Variants in LMX1B observed in about 807,000 individuals in gnomAD.
LMX1B encodes LIM homeobox transcription factor 1-beta.
A neutral mutation model predicts 51.4 loss-of-function variants in LMX1B; 12 were observed. The ratio of observed to expected loss-of-function variants is 0.23; its 90% confidence interval spans 0.15 to 0.38. The LOEUF (loss-of-function observed/expected upper bound fraction) is 0.38. LMX1B is among the 10% of genes least tolerant of loss of function. The pLI is 1.00. For synonymous variants in LMX1B, 237 were observed against 235.4 expected, an observed-to-expected ratio of 1.01 and a Z score of -0.06; for missense variants, 445 against 571.1, an observed-to-expected ratio of 0.78 and a Z score of 2.25.
chr9:126,614,295 C>G lies in LMX1B; in HGVS notation c.-155C>G, dbSNP rs1158785068. The stretch of plus-strand genomic sequence containing the variant: ...GCACGACGCCGGGGCCCGGGGCCAG[C>G]GCGTCGCCGCTCCACGATCGCCGGG... On this transcript the variant is annotated 5_prime_UTR_variant, in exon 1 of 8. Transcript: ENST00000373474. The G allele has an allele frequency of 6.7e-6, 2 of 297,474 alleles. No individual in the cohort carries two copies. Among genetic ancestry groups the G allele is most frequent in the Non-Finnish European group, 9.8e-6 (2 of 204,056 alleles). 18.4% of individuals were successfully genotyped at this position (297,474 alleles called of 1,614,324 possible). A position where few individuals can be genotyped will look rare whatever the true frequency, so the allele number is the denominator to read the frequency against.
intron 2 of LMX1B, among the ~76,000 whole-genome samples, chr9:126,635,981 G>A (rs1286769883): frequency 2.6e-5 from 4 of 152,156 alleles, no homozygotes; most frequent in Non-Finnish European, 5.9e-5. Flanking sequence ...CACTGGGGAC[G>A]AGTGATGGGA....
chr9:126,636,384 A>G lies in LMX1B; in HGVS notation c.326+20815A>G, dbSNP rs180766443. On this transcript the variant is annotated intron_variant, in intron 2 of 7. Transcript: ENST00000373474. ...ATCCAGGGAAAGAGGGCAGGAGAGCAGGTTTCAGGCAAAGATCAGCATGCA... is the reference window on the plus strand; with the variant it reads ...ATCCAGGGAAAGAGGGCAGGAGAGCGGGTTTCAGGCAAAGATCAGCATGCA... Among the ~76,000 whole-genome samples, 85 of 152,188 alleles carry G rather than the reference A, an allele frequency of 5.6e-4. 1 individual carries two copies. In the East Asian group the frequency reaches 0.015, roughly 27 times the overall value.
rs1835534907 is a variant in LMX1B at position 126,626,517 on chromosome 9, G to A, written c.326+10948G>A. ...GGGAAGGGGACCGATGGAGCCAGAA[G>A]CCCTGAGCTCACCTCCCGCCCGTCC... On this transcript the variant is annotated intron_variant, in intron 2 of 7. Coordinates refer to ENST00000373474, the MANE Select transcript of LMX1B (RefSeq NM_001174147.2). The surrounding 1 kb of genome is among the most constrained non-coding windows in gnomAD (Gnocchi z 4.3). Among the ~76,000 whole-genome samples the A allele has an allele frequency of 6.6e-6, 1 of 152,168 alleles. No homozygotes were observed. Among genetic ancestry groups the A allele is most frequent in the African/African-American group, 2.4e-5 (1 of 41,454 alleles).
At chr9:126,693,676 CA>C (rs2030225236) in intron 5 of LMX1B, 69 bp from the exon 6 acceptor site, 1 of 1,598,168 alleles carries the variant, frequency 6.3e-7, no homozygotes, top group Non-Finnish European at 8.5e-7. Context: ...GACTACGGTC[CA>C]GGGGGCGTGG....
intron 2 of LMX1B, among the ~76,000 whole-genome samples, chr9:126,664,058 G>A (rs1656070622): frequency 6.6e-6 from 1 of 152,160 alleles, no homozygotes; most frequent in Non-Finnish European, 1.5e-5. Flanking sequence ...TCTGAGTCCT[G>A]TGCCAGGCTC....
rs1473170273 is a variant in LMX1B at position 126,615,607 on chromosome 9, G to A, written c.326+38G>A. 4 of 1,565,000 alleles carry A rather than the reference G, an allele frequency of 2.6e-6. No homozygotes were observed. Among genetic ancestry groups the A allele is most frequent in the East Asian group, 4.8e-5 (2 of 41,922 alleles). On this transcript the variant is annotated intron_variant, in intron 2 of 7. Transcript: ENST00000373474. The surrounding 1 kb of genome is among the most constrained non-coding windows in gnomAD (Gnocchi z 6.0). ...CGTCCTCCTTCCCCGCCACCGCCCG[G>A]CACTCGAGCCCGGTCAGCCCCCTGC...
At chr9:126,689,349 G>A (rs1430714276) in intron 2 of LMX1B, among the ~76,000 whole-genome samples, 1 of 152,206 alleles carries the variant, frequency 6.6e-6, no homozygotes, top group East Asian at 1.9e-4. Flanking sequence ...CCCATTTATG[G>A]CCATTTCTGT....
chr9:126,680,004 C>T (rs1001134519), intron 2 of LMX1B, among the ~76,000 whole-genome samples: 1 of 152,248 alleles, frequency 6.6e-6, no homozygotes, highest in Non-Finnish European at 1.5e-5. Context: ...TTACTGGGCA[C>T]CTGGCTCTGG....
At chr9:126,693,912 G>T (rs2030240455) in intron 6 of LMX1B, 100 bp downstream of exon 6, 4 of 661,806 alleles carry the variant, frequency 6.0e-6, no homozygotes. Context: ...CTGGGGCTGG[G>T]TGAGCCTGGG....
At chr9:126,690,110 CT>C (rs71377955) in intron 2 of LMX1B, among the ~76,000 whole-genome samples, 14,533 of 152,148 alleles carry the variant, frequency 0.096, 1,056 homozygotes, top group East Asian at 0.35. Context: ...TTCTTTGGGG[CT>C]GCAGCCTGGG....
chr9:126,670,698 G>C (rs2118943861), intron 2 of LMX1B, among the ~76,000 whole-genome samples: 1 of 152,306 alleles, frequency 6.6e-6, no homozygotes, highest in African/African-American at 2.4e-5. Context: ...GGGTGCTGTG[G>C]GTGGCAGTAC....
rs770328998 is a variant in LMX1B at position 126,615,341 on chromosome 9, C to T, written c.140-42C>T. 1 of 1,470,860 alleles carries T rather than the reference C, an allele frequency of 6.8e-7. No individual in the cohort carries two copies. Among genetic ancestry groups the T allele is most frequent in the Non-Finnish European group, 9.0e-7 (1 of 1,112,008 alleles). The allele number at this position is 1,470,860 out of a possible 1,614,324, so 91.1% of individuals were successfully genotyped here. On this transcript the variant is annotated intron_variant, in intron 1 of 7. Coordinates refer to ENST00000373474, the MANE Select transcript of LMX1B (RefSeq NM_001174147.2). The surrounding 1 kb of genome is among the most constrained non-coding windows in gnomAD (Gnocchi z 6.0). ...TGCGACCGGGACGCCGGGGCTGGGC[C>T]GGGCGGCGCTGACGGCCGGGCTTTC...
chr9:126,661,271 G>A (rs568941760), intron 2 of LMX1B, among the ~76,000 whole-genome samples: 2 of 150,984 alleles, frequency 1.3e-5, no homozygotes, highest in Non-Finnish European at 3.0e-5. Flanking sequence ...CAGCGTGGAC[G>A]CCCCACGCAG....
rs1428006853 is a variant in LMX1B, at chr9:126,695,623, A to T, written c.887-216A>T. Among the ~76,000 whole-genome samples the T allele has an allele frequency of 6.6e-6, 1 of 152,134 alleles. No homozygotes were observed. Among genetic ancestry groups the T allele is most frequent in the East Asian group, 1.9e-4 (1 of 5,194 alleles). On this transcript the variant is annotated intron_variant, in intron 6 of 7. Coordinates refer to ENST00000373474, the MANE Select transcript of LMX1B (RefSeq NM_001174147.2). The surrounding 1 kb of genome is among the most constrained non-coding windows in gnomAD (Gnocchi z 5.2). ...AGGGGCGGGGTGGTGGGAGGAAAGA[A>T]GATGAGGAGGGGAGGACTCTGGCTT... is the stretch of plus-strand genomic sequence containing the variant.
chr9:126,680,780 G>A (rs115321883), intron 2 of LMX1B, among the ~76,000 whole-genome samples: 115 of 152,178 alleles, frequency 7.6e-4, no homozygotes, highest in Middle Eastern at 3.4e-3. Flanking sequence ...GGGGGAAGAG[G>A]GTGAACTCAA....
At position 126,693,305 on chromosome 9, in the gene LMX1B, G is replaced by T. The variant is rs368736494; in HGVS notation, c.723G>T (p.Ser241=). Residue 241 remains serine, a synonymous_variant, in exon 4 of 8, where the codon TCG becomes TCT. Coordinates refer to ENST00000373474, the MANE Select transcript of LMX1B (RefSeq NM_001174147.2). ...CCTTCAAGGCCTCCTTCGAGGTCTC[G>T]TCGAAGCCTTGCCGAAAGGTGAGGG... ...RRAFKASFEV[S]SKPCRKVRET... 8.7e-6 allele frequency: 14 copies of T among 1,604,682 alleles called. No individual in the cohort carries two copies. Among genetic ancestry groups the T allele is most frequent in the Admixed American group, 1.7e-5 (1 of 58,952 alleles).
At chr9:126,645,832 G>A (rs1021501277) in intron 2 of LMX1B, among the ~76,000 whole-genome samples, 3 of 152,148 alleles carry the variant, frequency 2.0e-5, no homozygotes, top group Non-Finnish European at 4.4e-5. Context: ...GGGATTTCCA[G>A]CAAGAGAGCT....
rs1430352650 is a variant in LMX1B at position 126,693,806 on chromosome 9, G to T, written c.880G>T (p.Gly294Cys). The T allele has an allele frequency of 2.2e-6, 3 of 1,358,898 alleles. No individual in the cohort carries two copies. The South Asian group carries it at 3.7e-5, about 17-fold the overall frequency. 84.2% of individuals were successfully genotyped at this position (1,358,898 alleles called of 1,614,324 possible). A position where few individuals can be genotyped will look rare whatever the true frequency, so the allele number is the denominator to read the frequency against. The change falls in exon 6 of 8, where the codon GGC becomes TGC. Residue 294 changes from glycine to cysteine, a missense_variant. Physicochemically the swap from Gly to Cys is radical, Grantham distance 159 (BLOSUM62 -3). Around this residue, in one of 3 missense-constraint regions of LMX1B, gnomAD observed 162 missense variants for 187.8 expected, o/e 0.86. Transcript: ENST00000373474. ...GGAGCAGCAGAACTCCCAGCGGCTG[G>T]GCCAGGGTGAGCCGGGGCCGGGGCA... ...QQEQQNSQRL[G>C]QEVLSSRMEG...
intron 2 of LMX1B, among the ~76,000 whole-genome samples, chr9:126,627,080 G>C (rs757735240): frequency 2.0e-5 from 3 of 152,198 alleles, no homozygotes; most frequent in Non-Finnish European, 4.4e-5. Context: ...ACTGGTGTCA[G>C]AGGGTTCCTT....
Sources: allele counts gnomAD v4.1 joint callset (sites outside exome capture counted in the v4.1 genomes callset), GRCh38; gene constraint gnomAD v4.1.1; regional missense constraint gnomAD v4.1.1; non-coding constraint Gnocchi (gnomAD v3.1); transcripts MANE v1.5; gene names NCBI Gene and HGNC (gene_info 2026-07-23, HGNC 2026-07-21).